Variants in SCN11A observed in about 807,000 individuals in gnomAD.
The protein encoded by SCN11A is sodium channel protein type 11 subunit alpha.
SCN11A carries 122 observed loss-of-function variants against 162.2 expected under a neutral mutation model. That is an observed-to-expected ratio of 0.75 (90% CI 0.65 to 0.87). SCN11A has a LOEUF of 0.87. Ranked by LOEUF, SCN11A falls within the 40% of genes least tolerant of loss-of-function variation. The probability of loss-of-function intolerance (pLI) is 0.00; values close to 1 mark genes in which losing one functional copy is unlikely to be tolerated. For missense variants in SCN11A, 2,015 were observed against 2,181.6 expected, an observed-to-expected ratio of 0.92 and a Z score of 1.52; for synonymous variants, 758 against 751.5, an observed-to-expected ratio of 1.01 and a Z score of -0.14.
chr3:38,979,697 C>G (rs2029947563), intron 2 of SCN11A, among the ~76,000 whole-genome samples: 1 of 152,220 alleles, frequency 6.6e-6, no homozygotes, highest in Non-Finnish European at 1.5e-5. Flanking sequence ...CTCTCTATCT[C>G]CACTGCCAAT....
At chr3:38,867,536 A>C in intron 26 of SCN11A, 78 bp from the exon 27 acceptor site, 1 of 1,119,852 alleles carries the variant, frequency 8.9e-7, no homozygotes, top group Non-Finnish European at 1.3e-6. Flanking sequence ...CTTATCTAGA[A>C]GACCAAGGTG....
intron 2 of SCN11A, among the ~76,000 whole-genome samples, chr3:39,018,780 T>G (rs1047566195): frequency 2.6e-5 from 4 of 152,148 alleles, no homozygotes; most frequent in African/African-American, 4.8e-5. Flanking sequence ...ATGGCGCCAC[T>G]GCACTCCAGC....
chr3:38,857,484 C>G (rs2064888691), intron 28 of SCN11A, among the ~76,000 whole-genome samples: 1 of 151,758 alleles, frequency 6.6e-6, no homozygotes, highest in African/African-American at 2.4e-5. Context: ...ATGAATGAAG[C>G]CTCCAAGAAA....
intron 2 of SCN11A, among the ~76,000 whole-genome samples, chr3:39,011,190 G>A (rs1461250734): frequency 1.3e-5 from 2 of 152,094 alleles, no homozygotes; most frequent in Non-Finnish European, 2.9e-5. Context: ...TAAAGGCAGG[G>A]GTAAATTTCA....
At chr3:38,882,863 T>C (rs1300520285) in intron 22 of SCN11A, among the ~76,000 whole-genome samples, 1 of 152,172 alleles carries the variant, frequency 6.6e-6, no homozygotes, top group Non-Finnish European at 1.5e-5. Flanking sequence ...AAAACAGCAC[T>C]ATGGCTTATG....
intron 7 of SCN11A, among the ~76,000 whole-genome samples, chr3:38,935,405 A>G (rs1014685271): frequency 3.9e-5 from 6 of 152,220 alleles, no homozygotes; most frequent in African/African-American, 9.6e-5. Flanking sequence ...ATAGAGACAC[A>G]AAACACCCTT....
Position 39,046,389 on chromosome 3 carries a change from A to G in SCN11A, c.-404+5472T>C, listed in dbSNP as rs1575373371. Among the ~76,000 whole-genome samples, 4 of 152,334 alleles carry G rather than the reference A, an allele frequency of 2.6e-5. No homozygotes were observed. The South Asian group carries it at 8.3e-4, about 32-fold the overall frequency. ...GAAGAGGACATACACAAAAATGGAA[A>G]GACATCCATGTTCATATACTGAATT... On this transcript the variant is annotated intron_variant, in intron 1 of 29. Transcript: ENST00000302328.
rs116328856 is a variant in SCN11A at position 38,948,273 on chromosome 3, G to T, written c.268-1366C>A. Among the ~76,000 whole-genome samples, 806 of 152,274 alleles carry T rather than the reference G, an allele frequency of 5.3e-3. 4 individuals carry two copies. The highest frequency in any genetic ancestry group is 0.018 in the African/African-American group (746 of 41,540). On this transcript the variant is annotated intron_variant, in intron 5 of 29. Coordinates refer to ENST00000302328, the MANE Select transcript of SCN11A (RefSeq NM_001349253.2). Reference sequence around the variant, plus strand: ...ATGAGTCACCCCACATTAATAAGTGGTACAATATGGCTCTCCTTCTGTGCC... The same window carrying T: ...ATGAGTCACCCCACATTAATAAGTGTTACAATATGGCTCTCCTTCTGTGCC...
intron 7 of SCN11A, among the ~76,000 whole-genome samples, chr3:38,936,715 T>A (rs1318136286): frequency 1.3e-5 from 2 of 151,980 alleles, no homozygotes; most frequent in East Asian, 3.9e-4. Flanking sequence ...CTCAATGAAA[T>A]AAAAGAGGAT....
chr3:39,019,269 C>T (rs1393848305), intron 2 of SCN11A, among the ~76,000 whole-genome samples: 1 of 152,122 alleles, frequency 6.6e-6, no homozygotes, highest in Non-Finnish European at 1.5e-5. Context: ...TACCTGGACC[C>T]ACCAACCACT....
intron 19 of SCN11A, among the ~76,000 whole-genome samples, chr3:38,891,044 A>G (rs1444030184): frequency 6.6e-6 from 1 of 151,404 alleles, no homozygotes; most frequent in African/African-American, 2.4e-5. Flanking sequence ...AGGGGAAAAC[A>G]GTCAGTAACA....
At position 38,848,550 on chromosome 3, in the gene SCN11A, C is replaced by T. The variant is rs570516642; in HGVS notation, c.4328-808G>A. 2.0e-5 allele frequency among the ~76,000 whole-genome samples: 3 copies of T among 152,216 alleles called. No homozygotes were observed. The South Asian group carries it at 6.2e-4, about 32-fold the overall frequency. ...GTTGATTATATACTTCACTGACTAC[C>T]CAATTGTGCCAAAGAAGTTTAATTC... On this transcript the variant is annotated intron_variant, in intron 29 of 29. Transcript: ENST00000302328.
At chr3:38,852,321 A>T (rs1942386925) in intron 28 of SCN11A, among the ~76,000 whole-genome samples, 1 of 152,108 alleles carries the variant, frequency 6.6e-6, no homozygotes, top group African/African-American at 2.4e-5. Context: ...TTAAGCATGA[A>T]TTTGGGAAGT....
chr3:39,051,857 C>T lies in SCN11A; in HGVS notation c.-404+4G>A. 1.4e-6 allele frequency: 1 copy of T among 737,144 alleles called. No homozygotes were observed. The highest frequency in any genetic ancestry group is 2.3e-6 in the Non-Finnish European group (1 of 438,038). 45.7% of individuals were successfully genotyped at this position (737,144 alleles called of 1,614,324 possible). ...ACAGTGGTTTTGTTTTTAGGTGCATCTACCTCATCACATGGCTACCGGCCA... is the reference window on the plus strand; with the variant it reads ...ACAGTGGTTTTGTTTTTAGGTGCATTTACCTCATCACATGGCTACCGGCCA... On this transcript the variant is annotated splice_donor_region_variant and intron_variant, in intron 1 of 29. Transcript: ENST00000302328.
At chr3:38,848,981 G>C (rs1575203468) in intron 29 of SCN11A, among the ~76,000 whole-genome samples, 2 of 152,288 alleles carry the variant, frequency 1.3e-5, no homozygotes, top group East Asian at 3.9e-4. Flanking sequence ...TAGTAAGTAG[G>C]ATTAATATAT....
rs545471651 is a variant in SCN11A at position 39,036,055 on chromosome 3, G to A, written c.-403-3552C>T. 9.2e-5 allele frequency among the ~76,000 whole-genome samples: 14 copies of A among 152,334 alleles called. No homozygotes were observed. The East Asian group carries it at 2.5e-3, about 27-fold the overall frequency. Reference sequence around the variant, plus strand: ...TCACCACATTGATGCCAAATTTAGTGCAGAAACTTGATTGGCATAGTGCGT... The same window carrying A: ...TCACCACATTGATGCCAAATTTAGTACAGAAACTTGATTGGCATAGTGCGT... On this transcript the variant is annotated intron_variant, in intron 1 of 29. Coordinates refer to ENST00000302328, the MANE Select transcript of SCN11A (RefSeq NM_001349253.2).
intron 1 of SCN11A, among the ~76,000 whole-genome samples, chr3:39,042,385 C>G (rs2032069048): frequency 6.6e-6 from 1 of 152,138 alleles, no homozygotes; most frequent in Non-Finnish European, 1.5e-5. Flanking sequence ...AATGAAATTT[C>G]TACAAGAAAA....
At chr3:38,934,682 C>A (rs1238642915) in intron 7 of SCN11A, among the ~76,000 whole-genome samples, 1 of 151,834 alleles carries the variant, frequency 6.6e-6, no homozygotes, top group Non-Finnish European at 1.5e-5. Flanking sequence ...AGCTAACTAT[C>A]CTAAATATAT....
At chr3:39,005,824 T>C (rs1278447897) in intron 2 of SCN11A, among the ~76,000 whole-genome samples, 4 of 152,242 alleles carry the variant, frequency 2.6e-5, no homozygotes, top group Non-Finnish European at 5.9e-5. Flanking sequence ...TTTTTTCCCC[T>C]CATTCTGCTT....
Sources: allele counts gnomAD v4.1 joint callset (sites outside exome capture counted in the v4.1 genomes callset), GRCh38; gene constraint gnomAD v4.1.1; transcripts MANE v1.5; gene names NCBI Gene and HGNC (gene_info 2026-07-23, HGNC 2026-07-21).